BABAM2: variants seen among roughly 807,000 people sequenced by gnomAD.
BABAM2 encodes BRISC and BRCA1-A complex member 2.
Under a neutral mutation model 54.7 loss-of-function variants are expected in BABAM2, and 31 were observed. That is an observed-to-expected ratio of 0.57 (90% confidence interval 0.43 to 0.77). The LOEUF is 0.77. BABAM2 is among the 30% of genes least tolerant of loss of function. The pLI, the probability that BABAM2 is intolerant of heterozygous loss-of-function variation, is 0.00. For synonymous variants in BABAM2, 167 were observed against 162.9 expected (o/e 1.03, Z -0.19); for missense variants, 364 against 455.8 (o/e 0.80, Z 1.83).
chr2:28,273,062 A>G (rs1246844609), intron 10 of BABAM2, among the ~76,000 whole-genome samples: 1 of 152,218 alleles, frequency 6.6e-6, no homozygotes, highest in Non-Finnish European at 1.5e-5. Flanking sequence ...TAGCACAGGC[A>G]CATGGAGCTG....
intron 4 of BABAM2, among the ~76,000 whole-genome samples, chr2:28,003,357 GT>G (rs1350136119): frequency 6.6e-6 from 1 of 152,080 alleles, no homozygotes; most frequent in Non-Finnish European, 1.5e-5. Context: ...TTAGTCTGGG[GT>G]AGAACCTGGG....
chr2:27,969,039 A>G (rs888579711), intron 3 of BABAM2, among the ~76,000 whole-genome samples: 2 of 152,092 alleles, frequency 1.3e-5, no homozygotes, highest in African/African-American at 4.8e-5. Flanking sequence ...AGTGGGAGGT[A>G]ATTGAATTGT....
At chr2:27,931,606 T>G (rs571900742) in intron 3 of BABAM2, among the ~76,000 whole-genome samples, 10 of 152,188 alleles carry the variant, frequency 6.6e-5, no homozygotes, top group African/African-American at 2.4e-4. Context: ...GCTTAAAAAT[T>G]TTTACTTACT....
chr2:28,247,424 A>G (rs1683008330), intron 10 of BABAM2, among the ~76,000 whole-genome samples: 1 of 152,244 alleles, frequency 6.6e-6, no homozygotes, highest in Non-Finnish European at 1.5e-5. Context: ...GCAGTTAAGC[A>G]TCTGACACTT....
intron 5 of BABAM2, among the ~76,000 whole-genome samples, chr2:28,037,363 A>AT (rs757948768): frequency 4.3e-4 from 66 of 151,964 alleles, no homozygotes; most frequent in Admixed American, 2.1e-3. Flanking sequence ...TAGCTCAGAG[A>AT]TTTTTTCTGT....
At chr2:28,221,915 G>A (rs1305315359) in intron 7 of BABAM2, among the ~76,000 whole-genome samples, 3 of 152,222 alleles carry the variant, frequency 2.0e-5, no homozygotes, top group African/African-American at 4.8e-5. Context: ...TTAAGGGCTC[G>A]CCTTGCTCCA....
At chr2:28,085,595 A>G (rs7600749) in intron 6 of BABAM2, among the ~76,000 whole-genome samples, 15,621 of 152,234 alleles carry the variant, frequency 0.1, 1,939 homozygotes, top group African/African-American at 0.3. Context: ...AATATTTAAC[A>G]TATTACTTGA....
intron 2 of BABAM2, among the ~76,000 whole-genome samples, chr2:27,927,360 A>G (rs1449089780): frequency 6.6e-6 from 1 of 152,204 alleles, no homozygotes; most frequent in African/African-American, 2.4e-5. Flanking sequence ...ATAGTTAGAT[A>G]ATTTGATCCC....
chr2:28,139,340 A>AAAAAG (rs1670839097), intron 7 of BABAM2, among the ~76,000 whole-genome samples: 1 of 129,492 alleles, frequency 7.7e-6, no homozygotes, highest in Non-Finnish European at 1.7e-5. Context: ...AAAAAAAAAA[A>AAAAAG]AAAAAGAAAA....
chr2:27,889,637 G>A (rs1188496845), upstream of BABAM2, among the ~76,000 whole-genome samples: 1 of 152,154 alleles, frequency 6.6e-6, no homozygotes, highest in Non-Finnish European at 1.5e-5. Flanking sequence ...CGTTTTCAGA[G>A]GTTGTAAATA....
intron 2 of BABAM2, among the ~76,000 whole-genome samples, chr2:27,911,887 T>C (rs1573147217): frequency 6.6e-6 from 1 of 152,368 alleles, no homozygotes; most frequent in South Asian, 2.1e-4. Flanking sequence ...GAATAGGACG[T>C]GCCTCCTCCA....
intron 7 of BABAM2, among the ~76,000 whole-genome samples, chr2:28,132,973 T>A (rs1479964137): frequency 6.6e-6 from 1 of 152,216 alleles, no homozygotes; most frequent in East Asian, 1.9e-4. Context: ...GGAAAATGCC[T>A]CACTGAAAGG....
At chr2:28,145,851 C>T (rs1453572282) in intron 7 of BABAM2, among the ~76,000 whole-genome samples, 1 of 152,132 alleles carries the variant, frequency 6.6e-6, no homozygotes, top group Non-Finnish European at 1.5e-5. Context: ...TTGTGACTGA[C>T]TTCTTTTTTT....
chr2:27,981,367 C>T (rs1437778913), intron 3 of BABAM2, among the ~76,000 whole-genome samples: 1 of 152,136 alleles, frequency 6.6e-6, no homozygotes, highest in Non-Finnish European at 1.5e-5. Flanking sequence ...GATACAATTA[C>T]ATACCGTGCA....
At chr2:27,943,586 T>A (rs1669086749) in intron 3 of BABAM2, among the ~76,000 whole-genome samples, 1 of 152,170 alleles carries the variant, frequency 6.6e-6, no homozygotes. Flanking sequence ...CTAGACCAGT[T>A]CTCTTCTAGT....
chr2:28,217,973 GT>G (rs1680066833), intron 7 of BABAM2, among the ~76,000 whole-genome samples: 4 of 152,128 alleles, frequency 2.6e-5, no homozygotes, highest in Admixed American at 2.6e-4. Flanking sequence ...AGGGATTTTT[GT>G]GTAACTTTTT....
intron 2 of BABAM2, among the ~76,000 whole-genome samples, chr2:27,913,877 C>G (rs562086014): frequency 1.3e-5 from 2 of 152,136 alleles, no homozygotes; most frequent in Non-Finnish European, 2.9e-5. Flanking sequence ...TTCAGTTTTT[C>G]TCTAATTGTA....
chr2:28,331,521 C>A (rs1040901909), intron 11 of BABAM2, among the ~76,000 whole-genome samples: 4 of 152,182 alleles, frequency 2.6e-5, no homozygotes, highest in African/African-American at 9.7e-5. Context: ...TGAACAGACA[C>A]TTCTCAAAAG....
chr2:28,241,090 G>A (rs1682383599), intron 8 of BABAM2, among the ~76,000 whole-genome samples: 1 of 152,100 alleles, frequency 6.6e-6, no homozygotes, highest in Admixed American at 6.5e-5. Context: ...ATTTAAGAGT[G>A]AACTGTCATG....
Sources: gnomAD v4.1 joint callset for allele counts (sites outside exome capture counted in the v4.1 genomes callset) on GRCh38, gnomAD v4.1.1 for gene constraint, MANE v1.5 for transcripts, NCBI Gene and HGNC (gene_info 2026-07-23, HGNC 2026-07-21) for gene names.